Variants in MTCL3 observed in about 807,000 individuals in gnomAD.
MTCL3 encodes the protein MTCL family member 3.
At chr6:127,477,563 G>A in the MTCL3 span, among the ~76,000 whole-genome samples, 1 of 152,098 alleles carries the variant, frequency 6.6e-6, no homozygotes, top group Non-Finnish European at 1.5e-5. Context: ...ATGCATTCTG[G>A]TAAAGAAGGA....
the MTCL3 span, among the ~76,000 whole-genome samples, chr6:127,504,718 G>A: frequency 1.3e-5 from 2 of 152,284 alleles, no homozygotes; most frequent in South Asian, 2.1e-4. Context: ...ACATACAAAG[G>A]CCAAGTAATC....
At chr6:127,476,503 A>T in the MTCL3 span, 1 of 1,486,352 alleles carries the variant, frequency 6.7e-7, no homozygotes, top group Non-Finnish European at 9.0e-7. This position sits in a 1 kb window ranked among gnomAD's most constrained non-coding sequence, Gnocchi z 4.4. Context: ...AGGATAGGAG[A>T]TCATTTTTAT....
the MTCL3 span, among the ~76,000 whole-genome samples, chr6:127,506,816 T>C: frequency 1.3e-5 from 2 of 152,086 alleles, no homozygotes; most frequent in Non-Finnish European, 2.9e-5. Flanking sequence ...CCTGACATCA[T>C]GATCCACCCA....
At chr6:127,519,237 C>G in the MTCL3 span, 2 of 152,254 alleles carry the variant, frequency 1.3e-5, no homozygotes. Flanking sequence ...CGGTCATTCT[C>G]CATCAATTAT....
the MTCL3 span, chr6:127,475,179 C>T: frequency 8.6e-7 from 1 of 1,156,814 alleles, no homozygotes; most frequent in Non-Finnish European, 1.2e-6. This position sits in a 1 kb window ranked among gnomAD's most constrained non-coding sequence, Gnocchi z 7.3. Flanking sequence ...CGGCCCTGAG[C>T]GGGGGCTTCC....
chr6:127,516,288 C>T, the MTCL3 span: 9 of 1,537,486 alleles, frequency 5.9e-6, no homozygotes, highest in South Asian at 1.2e-5. Flanking sequence ...CCCCTTTGGG[C>T]GCCAGGGGCG....
the MTCL3 span, among the ~76,000 whole-genome samples, chr6:127,492,003 A>G: frequency 5.3e-5 from 8 of 151,904 alleles, no homozygotes; most frequent in South Asian, 1.2e-3. Flanking sequence ...TTCTGAGTCT[A>G]CCCTTGAGAG....
At chr6:127,495,387 C>T in the MTCL3 span, among the ~76,000 whole-genome samples, 1 of 151,906 alleles carries the variant, frequency 6.6e-6, no homozygotes. Context: ...ACCAGAGTTC[C>T]TTAAGGCCTT....
chr6:127,499,519 TG>T, the MTCL3 span, among the ~76,000 whole-genome samples: 1 of 152,206 alleles, frequency 6.6e-6, no homozygotes, highest in East Asian at 1.9e-4. Context: ...AGAGCACATA[TG>T]ATTATCAAAT....
chr6:127,510,200 T>G, the MTCL3 span, among the ~76,000 whole-genome samples: 1 of 152,214 alleles, frequency 6.6e-6, no homozygotes, highest in African/African-American at 2.4e-5. Flanking sequence ...CTTTTATTGT[T>G]GTATTCCCTA....
chr6:127,477,832 T>C, the MTCL3 span, among the ~76,000 whole-genome samples: 1 of 152,100 alleles, frequency 6.6e-6, no homozygotes, highest in African/African-American at 2.4e-5. Context: ...CCTTTACCGA[T>C]AGGGGAGATT....
chr6:127,514,709 G>T, the MTCL3 span: 1 of 771,332 alleles, frequency 1.3e-6, no homozygotes, highest in South Asian at 1.8e-5. Flanking sequence ...ACGAAACTGT[G>T]TCCCTAAGGC....
At chr6:127,475,844 C>A in the MTCL3 span, 1 of 1,613,396 alleles carries the variant, frequency 6.2e-7, no homozygotes, top group Non-Finnish European at 8.5e-7. The surrounding 1 kb of genome is among the most constrained non-coding windows in gnomAD (Gnocchi z 7.3). Context: ...GACATAAGCA[C>A]GCGGTTCTCG....
chr6:127,514,298 A>G, the MTCL3 span, among the ~76,000 whole-genome samples: 40 of 152,318 alleles, frequency 2.6e-4, no homozygotes, highest in Admixed American at 5.2e-4. Context: ...GAGTCACCTA[A>G]GTGGCAAGTG....
the MTCL3 span, chr6:127,482,834 A>T: frequency 1.9e-6 from 2 of 1,074,510 alleles, 1 homozygote; most frequent in South Asian, 3.7e-5. The surrounding 1 kb of genome is among the most constrained non-coding windows in gnomAD (Gnocchi z 4.1). Context: ...TGGCCATTAT[A>T]TCTATTTATA....
At chr6:127,496,356 T>G in the MTCL3 span, among the ~76,000 whole-genome samples, 25 of 152,266 alleles carry the variant, frequency 1.6e-4, no homozygotes, top group Non-Finnish European at 2.8e-4. Flanking sequence ...TATCAAAAAC[T>G]AACATGGTAG....
At chr6:127,480,117 T>C in the MTCL3 span, among the ~76,000 whole-genome samples, 1 of 152,166 alleles carries the variant, frequency 6.6e-6, no homozygotes, top group Non-Finnish European at 1.5e-5. Flanking sequence ...CATAAAGATA[T>C]GATGATGATG....
chr6:127,511,941 G>C, the MTCL3 span, among the ~76,000 whole-genome samples: 1 of 152,264 alleles, frequency 6.6e-6, no homozygotes, highest in South Asian at 2.1e-4. Flanking sequence ...GGAAAGATTA[G>C]AATTTTCTTT....
At chr6:127,506,643 C>A in the MTCL3 span, among the ~76,000 whole-genome samples, 1 of 152,070 alleles carries the variant, frequency 6.6e-6, no homozygotes, top group African/African-American at 2.4e-5. Flanking sequence ...AGTGCAGTGG[C>A]GATCTTGGCT....
Sources: gnomAD v4.1 joint callset for allele counts (sites outside exome capture counted in the v4.1 genomes callset) on GRCh38, gnomAD v4.1.1 for gene constraint, Gnocchi (gnomAD v3.1) non-coding constraint, MANE v1.5 for transcripts, NCBI Gene and HGNC (gene_info 2026-07-23, HGNC 2026-07-21) for gene names.